Variants in RIN2 observed in about 807,000 individuals in gnomAD.
The protein encoded by RIN2 is Ras and Rab interactor 2.
A neutral mutation model predicts 78.0 loss-of-function variants in RIN2; 36 were observed. The ratio of observed to expected loss-of-function variants is 0.46; its 90% CI spans 0.35 to 0.61. The LOEUF (loss-of-function observed/expected upper bound fraction) is 0.61. Ranked by LOEUF, RIN2 falls within the 20% of genes least tolerant of loss-of-function variation. RIN2 has a pLI of 0.00. For missense variants in RIN2, 1,087 were observed against 1,159.7 expected, an observed-to-expected ratio of 0.94 and a Z score of 0.91; for synonymous variants, 466 against 466.8, an observed-to-expected ratio of 1.00 and a Z score of 0.02.
intron 4 of RIN2, among the ~76,000 whole-genome samples, chr20:19,936,199 C>T (rs11697905): frequency 0.074 from 11,213 of 152,248 alleles, 523 homozygotes; most frequent in East Asian, 0.23. Context: ...TTCTCTGTGC[C>T]TTCCTTTCCT....
intron 1 of RIN2, among the ~76,000 whole-genome samples, chr20:19,786,742 AC>A (rs1170267703): frequency 1.3e-5 from 2 of 152,202 alleles, no homozygotes; most frequent in African/African-American, 2.4e-5. Flanking sequence ...TATGCCTAAT[AC>A]CTTTTGCGGT....
chr20:19,974,077 G>T (rs2042190740), intron 8 of RIN2, among the ~76,000 whole-genome samples: 1 of 152,214 alleles, frequency 6.6e-6, no homozygotes, highest in Non-Finnish European at 1.5e-5. Flanking sequence ...CTGCTGATGG[G>T]ACCCATGAAT....
chr20:19,836,346 G>T (rs141930302), intron 2 of RIN2, among the ~76,000 whole-genome samples: 9 of 152,172 alleles, frequency 5.9e-5, no homozygotes, highest in African/African-American at 1.9e-4. Context: ...TGACGCCATC[G>T]CACCAAAACT....
chr20:19,848,661 C>G (rs2036862029), intron 2 of RIN2, among the ~76,000 whole-genome samples: 1 of 74,952 alleles, frequency 1.3e-5, no homozygotes, highest in Admixed American at 1.6e-4. Context: ...AAGAATGAAA[C>G]AGTTTTTTTT....
intron 4 of RIN2, among the ~76,000 whole-genome samples, chr20:19,954,138 C>T (rs776854126): frequency 3.9e-5 from 6 of 152,194 alleles, no homozygotes; most frequent in African/African-American, 1.4e-4. Context: ...CAAAAATGAT[C>T]GGCATAGGTT....
chr20:19,833,628 G>A (rs2036317522), intron 2 of RIN2, among the ~76,000 whole-genome samples: 1 of 152,206 alleles, frequency 6.6e-6, no homozygotes, highest in Non-Finnish European at 1.5e-5. Flanking sequence ...GCACAAGGAA[G>A]AGAACAGAAG....
At chr20:19,816,110 A>T (rs561586512) in intron 2 of RIN2, among the ~76,000 whole-genome samples, 11 of 152,306 alleles carry the variant, frequency 7.2e-5, no homozygotes, top group African/African-American at 2.6e-4. Context: ...AGCTTTGAAA[A>T]ACTTGGAACA....
intron 3 of RIN2, among the ~76,000 whole-genome samples, chr20:19,902,681 T>A (rs1393076962): frequency 6.6e-6 from 1 of 152,132 alleles, no homozygotes; most frequent in Non-Finnish European, 1.5e-5. Flanking sequence ...GGGTTGCAGA[T>A]CTAGCAAATA....
intron 2 of RIN2, chr20:19,823,694 C>A (rs1158651484): frequency 1.3e-6 from 2 of 1,584,754 alleles, no homozygotes; most frequent in East Asian, 4.5e-5. Flanking sequence ...TCCTTGAGGG[C>A]TTTGATGATC....
At chr20:19,897,368 T>TA (rs1477262104) in intron 3 of RIN2, among the ~76,000 whole-genome samples, 2 of 152,126 alleles carry the variant, frequency 1.3e-5, no homozygotes, top group Non-Finnish European at 2.9e-5. Context: ...CTCAGCCTCC[T>TA]AAAGTTCTGG....
intron 9 of RIN2, among the ~76,000 whole-genome samples, chr20:19,985,578 A>C (rs1485875262): frequency 6.6e-6 from 1 of 152,222 alleles, no homozygotes; most frequent in Non-Finnish European, 1.5e-5. Context: ...AAAATAGAAA[A>C]GAAATGAGTG....
At chr20:19,847,739 TA>T (rs1600606407) in intron 2 of RIN2, among the ~76,000 whole-genome samples, 1 of 152,198 alleles carries the variant, frequency 6.6e-6, no homozygotes, top group African/African-American at 2.4e-5. Context: ...GGAAATTAAA[TA>T]GTATTAAAAT....
chr20:19,974,696 C>T lies in RIN2; in HGVS notation c.671C>T (p.Pro224Leu), dbSNP rs2146317035. The change falls in exon 9 of 13, where the codon CCA becomes CTA. Residue 224 changes from proline to leucine, a missense_variant. Transcript: ENST00000255006. ...GCTGACAGCAAACCCCCGAACCTTC[C>T]ACCTCCCCATAGGCCTCTTTCCTCC... ...SPADSKPPNL[P>L]PPHRPLSSDG... 6.2e-7 allele frequency: 1 copy of T among 1,613,848 alleles called. No individual in the cohort carries two copies. Among genetic ancestry groups the T allele is most frequent in the Non-Finnish European group, 8.5e-7 (1 of 1,179,762 alleles).
At chr20:19,924,406 A>C (rs1266976761) in intron 3 of RIN2, among the ~76,000 whole-genome samples, 1 of 4,068 alleles carries the variant, frequency 2.5e-4, no homozygotes, top group Non-Finnish European at 3.4e-4. Context: ...TTCATACCCC[A>C]CCTCTTCATA....
chr20:19,894,464 C>G (rs1363959231), intron 3 of RIN2, among the ~76,000 whole-genome samples: 1 of 152,196 alleles, frequency 6.6e-6, no homozygotes, highest in East Asian at 1.9e-4. Flanking sequence ...GTTGTCCAGG[C>G]TGGCCTCAAA....
intron 2 of RIN2, among the ~76,000 whole-genome samples, chr20:19,865,896 C>A (rs2037491034): frequency 6.6e-6 from 1 of 152,094 alleles, no homozygotes; most frequent in Non-Finnish European, 1.5e-5. Context: ...TGGTCCCCAA[C>A]CTTTTTGGCA....
intron 2 of RIN2, among the ~76,000 whole-genome samples, chr20:19,861,870 C>T (rs1447292845): frequency 6.6e-6 from 1 of 151,906 alleles, no homozygotes; most frequent in African/African-American, 2.4e-5. Flanking sequence ...ATCTGATCAA[C>T]CTCCATACCT....
Position 19,901,819 on chromosome 20 carries a change from C to A in RIN2, c.57+12161C>A, listed in dbSNP as rs532949386. On this transcript the variant is annotated intron_variant, in intron 3 of 12. Coordinates refer to ENST00000255006, the MANE Select transcript of RIN2 (RefSeq NM_018993.4). ...ATCACTTGAGGTTAGGTGTTTGAGACCAGCCTGGCCAACATGGTGAAACCC... is the reference window on the plus strand; with the variant it reads ...ATCACTTGAGGTTAGGTGTTTGAGAACAGCCTGGCCAACATGGTGAAACCC... 2.0e-5 allele frequency among the ~76,000 whole-genome samples: 3 copies of A among 152,122 alleles called. No individual in the cohort carries two copies. In the East Asian group the frequency reaches 5.8e-4, roughly 29 times the overall value.
At chr20:19,814,514 G>A (rs2035705221) in intron 2 of RIN2, among the ~76,000 whole-genome samples, 1 of 152,116 alleles carries the variant, frequency 6.6e-6, no homozygotes, top group Admixed American at 6.5e-5. Context: ...AACTGGTGTG[G>A]TCACACAACA....
Sources: gnomAD v4.1 joint callset for allele counts (sites outside exome capture counted in the v4.1 genomes callset) on GRCh38, gnomAD v4.1.1 for gene constraint, MANE v1.5 for transcripts, NCBI Gene and HGNC (gene_info 2026-07-23, HGNC 2026-07-21) for gene names.